PTPN23: variants seen among roughly 807,000 people sequenced by gnomAD.
PTPN23 encodes protein tyrosine phosphatase non-receptor type 23.
Under a neutral mutation model 156.3 loss-of-function variants are expected in PTPN23, and 72 were observed. The observed-to-expected ratio is 0.46, with a 90% confidence interval of 0.38 to 0.56. The LOEUF is 0.56. Among genes scored for constraint, PTPN23 ranks in the 20% least tolerant of loss-of-function variants. The pLI is 0.00. For synonymous variants in PTPN23, 957 were observed against 899.6 expected, an observed-to-expected ratio of 1.06 and a Z score of -1.14; for missense variants, 1,974 against 2,171.5, an observed-to-expected ratio of 0.91 and a Z score of 1.81.
At chr3:47,408,554 C>A (rs531609714) in intron 15 of PTPN23, 64 bp downstream of exon 15, 2 of 1,555,082 alleles carry the variant, frequency 1.3e-6, no homozygotes, top group Non-Finnish European at 1.7e-6. Flanking sequence ...TGGCCTCCTC[C>A]GTGTCCCTGG....
chr3:47,381,240 G>A, intron 1 of PTPN23, 60 bp downstream of exon 1: 3 of 1,544,234 alleles, frequency 1.9e-6, no homozygotes, highest in Non-Finnish European at 2.6e-6. Flanking sequence ...CTGCAAGCGC[G>A]TGACGCCCCC....
chr3:47,387,448 A>T (rs1704678467), intron 1 of PTPN23, among the ~76,000 whole-genome samples: 1 of 150,058 alleles, frequency 6.7e-6, no homozygotes, highest in Non-Finnish European at 1.5e-5. Context: ...GTGTGGTGGC[A>T]CACACCTGTA....
intron 1 of PTPN23, among the ~76,000 whole-genome samples, chr3:47,382,004 C>T (rs1277021456): frequency 1.3e-5 from 2 of 152,052 alleles, no homozygotes; most frequent in Non-Finnish European, 2.9e-5. Flanking sequence ...AAGGAACAAC[C>T]AGGAGGCCGT....
At position 47,397,112 on chromosome 3, in the gene PTPN23, A is replaced by G. The variant is rs550291591; in HGVS notation, c.159+895A>G. ...CAGTGAAGCAGTGAGAACACACGGA[A>G]CATTTATAAGTCTGCCGTCTTCTAT... On this transcript the variant is annotated intron_variant, in intron 2 of 24. Coordinates refer to ENST00000265562, the MANE Select transcript of PTPN23 (RefSeq NM_015466.4). 1.2e-4 allele frequency among the ~76,000 whole-genome samples: 18 copies of G among 152,346 alleles called. No homozygotes were observed. The East Asian group carries it at 3.5e-3, about 29-fold the overall frequency.
chr3:47,396,845 G>A (rs191149937), intron 2 of PTPN23, among the ~76,000 whole-genome samples: 15 of 152,170 alleles, frequency 9.9e-5, no homozygotes, highest in Non-Finnish European at 1.9e-4. Flanking sequence ...AAGATCACTT[G>A]AGCCCAGGAG....
Position 47,411,877 on chromosome 3 carries a change from C to T in PTPN23, c.3983C>T (p.Thr1328Ile). 1 of 1,613,382 alleles carries T rather than the reference C, an allele frequency of 6.2e-7. No homozygotes were observed. The highest frequency in any genetic ancestry group is 8.5e-7 in the Non-Finnish European group (1 of 1,180,016). Residue 1328 changes from threonine (T) to isoleucine (I), a missense_variant, in exon 21 of 25, where the codon ACC (threonine) becomes ATC (isoleucine). Around this residue, in one of 4 missense-constraint regions of PTPN23, gnomAD observed 484 missense variants for 516.0 expected, o/e 0.94. Transcript: ENST00000265562. The surrounding 1 kb of genome is among the most constrained non-coding windows in gnomAD (Gnocchi z 6.3). ...LALSSVRSTE[T>I]HVERVLSLQF... is the part of the protein sequence containing the mutation. ...TTGAGCAGCGTCCGCAGCACCGAAACCCATGTGGAGCGCGTGCTGAGCCTG... is the reference window on the plus strand; with the variant it reads ...TTGAGCAGCGTCCGCAGCACCGAAATCCATGTGGAGCGCGTGCTGAGCCTG...
chr3:47,397,731 G>A lies in PTPN23; in HGVS notation c.159+1514G>A, dbSNP rs192133067. Among the ~76,000 whole-genome samples, 310 of 152,106 alleles carry A rather than the reference G, an allele frequency of 2.0e-3. 3 individuals are homozygous for A. The highest frequency in any genetic ancestry group is 6.7e-3 in the African/African-American group (277 of 41,474). On this transcript the variant is annotated intron_variant, in intron 2 of 24. Transcript: ENST00000265562. ...GTCACCCAGGCTGGAGTGCAATGGC[G>A]CGATCTCAGCTCACTGCAACCTCTA...
In PTPN23 at chr3:47,411,700, G is replaced by C; in HGVS notation, c.3888+14G>C. On this transcript the variant is annotated intron_variant, in intron 20 of 24. Coordinates refer to ENST00000265562, the MANE Select transcript of PTPN23 (RefSeq NM_015466.4). The surrounding 1 kb of genome is among the most constrained non-coding windows in gnomAD (Gnocchi z 6.3). Reference sequence around the variant, plus strand: ...GAGATGGAGAAGGTGAGAAGAGGGGGTGGGTGCCCACGAGGGCAGTGTGGG... The same window carrying C: ...GAGATGGAGAAGGTGAGAAGAGGGGCTGGGTGCCCACGAGGGCAGTGTGGG... 1 of 1,599,490 alleles carries C rather than the reference G, an allele frequency of 6.3e-7. No homozygotes were observed. Among genetic ancestry groups the C allele is most frequent in the Non-Finnish European group, 8.5e-7 (1 of 1,169,874 alleles).
intron 2 of PTPN23, among the ~76,000 whole-genome samples, chr3:47,404,249 A>T (rs1705066796): frequency 6.6e-6 from 1 of 152,076 alleles, no homozygotes; most frequent in Admixed American, 6.6e-5. Context: ...CCTGGCCAAA[A>T]TGGGGAAACC....
Position 47,406,735 on chromosome 3 carries a change from G to C in PTPN23, c.792G>C (p.Gln264His). 1.9e-6 allele frequency: 3 copies of C among 1,613,866 alleles called. No individual in the cohort carries two copies. Among genetic ancestry groups the C allele is most frequent in the Non-Finnish European group, 1.7e-6 (2 of 1,179,970 alleles). Residue 264 changes from glutamine (Q) to histidine (H), a missense_variant, in exon 9 of 25, where the codon CAG becomes CAC. Physicochemically the swap from Gln to His is conservative, Grantham distance 24. Transcript: ENST00000265562. This position sits in a 1 kb window ranked among gnomAD's most constrained non-coding sequence, Gnocchi z 5.8. ...LHMGKQAEEQ[Q>H]KFGERVAYFQ... Reference sequence around the variant, plus strand: ...TGGGAAAGCAGGCCGAGGAGCAGCAGAAGTTCGGGGAGCGGGTGAGCTACA... The same window carrying C: ...TGGGAAAGCAGGCCGAGGAGCAGCACAAGTTCGGGGAGCGGGTGAGCTACA...
chr3:47,406,107 G>T lies in PTPN23; in HGVS notation c.546+61G>T, dbSNP rs1705116963. On this transcript the variant is annotated intron_variant, in intron 6 of 24. Coordinates refer to ENST00000265562, the MANE Select transcript of PTPN23 (RefSeq NM_015466.4). The surrounding 1 kb of genome is among the most constrained non-coding windows in gnomAD (Gnocchi z 5.8). ...CAGGGAAGGGGATGGCCAGGGAGGG[G>T]GCAGTTGGGCCTGGATCCTGGACCA... 6.3e-7 allele frequency: 1 copy of T among 1,585,242 alleles called. No individual in the cohort carries two copies. The highest frequency in any genetic ancestry group is 1.3e-5 in the African/African-American group (1 of 74,484).
At chr3:47,391,986 A>G (rs1047616474) in intron 1 of PTPN23, among the ~76,000 whole-genome samples, 24 of 152,282 alleles carry the variant, frequency 1.6e-4, no homozygotes, top group Non-Finnish European at 1.5e-5. Flanking sequence ...CCTGGTGTCA[A>G]GCAGTCCTCT....
In PTPN23 at chr3:47,411,574, T is replaced by C; in HGVS notation, c.3776T>C (p.Leu1259Pro). 6.2e-7 allele frequency: 1 copy of C among 1,612,614 alleles called. No homozygotes were observed. The highest frequency in any genetic ancestry group is 8.5e-7 in the Non-Finnish European group (1 of 1,179,940). ...VEGLSPYCPP[L>P]VATQAPLPGT... is the part of the protein sequence containing the mutation. The stretch of plus-strand genomic sequence containing the variant: ...GGGCTCTCCCCATACTGCCCCCCGC[T>C]AGTGGCAACCCAGGCCCCACTGCCT... Residue 1259 changes from leucine to proline, a missense_variant, in exon 20 of 25, where the codon CTA becomes CCA. Leu to Pro is a moderately conservative substitution (Grantham distance 98). Around this residue, in one of 4 missense-constraint regions of PTPN23, gnomAD observed 484 missense variants for 516.0 expected, o/e 0.94. Coordinates refer to ENST00000265562, the MANE Select transcript of PTPN23 (RefSeq NM_015466.4). This position sits in a 1 kb window ranked among gnomAD's most constrained non-coding sequence, Gnocchi z 6.3.
rs1446555096 is a variant in PTPN23, at chr3:47,412,582, GCCT to G, written c.4392_4394del (p.Pro1465del). 10 of 1,613,604 alleles carry G rather than the reference GCCT, an allele frequency of 6.2e-6. No homozygotes were observed. Among genetic ancestry groups the G allele is most frequent in the Non-Finnish European group, 7.6e-6 (9 of 1,180,006 alleles). On this transcript the variant is annotated inframe_deletion, in exon 24 of 25. Coordinates refer to ENST00000265562, the MANE Select transcript of PTPN23 (RefSeq NM_015466.4). ...AGCAGGTCCTGCAGCGCCATGGTGTGCCTCCTCCATGCAAACCCTTGGCCAGTG... is the reference window on the plus strand; with the variant it reads ...AGCAGGTCCTGCAGCGCCATGGTGTGCCTCCATGCAAACCCTTGGCCAGTG...
In PTPN23 at chr3:47,410,712, C is replaced by G. The variant is rs1368547554; in HGVS notation, c.2914C>G (p.Pro972Ala). 1.3e-6 allele frequency: 2 copies of G among 1,590,518 alleles called. No individual in the cohort carries two copies. Among genetic ancestry groups the G allele is most frequent in the Non-Finnish European group, 1.7e-6 (2 of 1,168,976 alleles). Reference protein sequence around the residue: ...HPSQAFGPQPPQQPLPLQHPH... With the variant: ...HPSQAFGPQPAQQPLPLQHPH... ...TTCACAAGCGTTTGGGCCTCAGCCC[C>G]CACAGCAGCCCCTTCCACTCCAGCA... The change falls in exon 20 of 25, where the codon CCA becomes GCA. Residue 972 changes from proline to alanine, a missense_variant. Transcript: ENST00000265562.
At position 47,407,761 on chromosome 3, in the gene PTPN23, C is replaced by G. The variant is rs1429009172; in HGVS notation, c.1068C>G (p.Ile356Met). 1 of 1,614,040 alleles carries G rather than the reference C, an allele frequency of 6.2e-7. No individual in the cohort carries two copies. The change falls in exon 13 of 25, where the codon ATC becomes ATG. Residue 356 changes from isoleucine to methionine, a missense_variant. Ile to Met is a conservative substitution (Grantham distance 10). Around this residue, in one of 4 missense-constraint regions of PTPN23, gnomAD observed 726 missense variants for 929.5 expected, o/e 0.78. Transcript: ENST00000265562. The surrounding 1 kb of genome is among the most constrained non-coding windows in gnomAD (Gnocchi z 4.0). ...PTDPAVTGPD[I>M]FAKLVPMAAH... is the part of the protein sequence containing the mutation. ...ACCCAGCTGTTACAGGCCCTGACAT[C>G]TTTGCCAAACTGGTACCCATGGCTG...
intron 1 of PTPN23, among the ~76,000 whole-genome samples, chr3:47,385,763 A>C (rs1485159590): frequency 6.6e-6 from 1 of 152,230 alleles, no homozygotes; most frequent in Non-Finnish European, 1.5e-5. Context: ...GCAGGTGTAC[A>C]TCTGGCTGGT....
Position 47,410,294 on chromosome 3 carries a change from C to T in PTPN23, c.2496C>T (p.Gly832=). Residue 832 remains glycine, a synonymous_variant, in exon 20 of 25, where the codon GGC becomes GGT. Transcript: ENST00000265562. ...CCCCTGCCTACACACCGGAGCTGGG[C>T]CTTGTGCCCCGATCCTCCCCACAGC... ...YPAPAYTPEL[G]LVPRSSPQHG... 1 of 1,605,332 alleles carries T rather than the reference C, an allele frequency of 6.2e-7. No homozygotes were observed. Among genetic ancestry groups the T allele is most frequent in the Non-Finnish European group, 8.5e-7 (1 of 1,175,702 alleles).
At chr3:47,390,333 G>A (rs930111773) in intron 1 of PTPN23, among the ~76,000 whole-genome samples, 1 of 152,076 alleles carries the variant, frequency 6.6e-6, no homozygotes, top group Non-Finnish European at 1.5e-5. Context: ...TTTTCCCCTC[G>A]GTGGCTGTGA....
Sources: allele counts gnomAD v4.1 joint callset (sites outside exome capture counted in the v4.1 genomes callset), GRCh38; gene constraint gnomAD v4.1.1; regional missense constraint gnomAD v4.1.1; non-coding constraint Gnocchi (gnomAD v3.1); transcripts MANE v1.5; gene names NCBI Gene and HGNC (gene_info 2026-07-23, HGNC 2026-07-21).